Variants in SS18 observed in about 807,000 individuals in gnomAD.
The protein encoded by SS18 is protein SSXT.
A neutral mutation model predicts 72.5 loss-of-function variants in SS18; 28 were observed. The ratio of observed to expected loss-of-function variants is 0.39; its 90% CI spans 0.29 to 0.53. The LOEUF is 0.53. Ranked by LOEUF, SS18 falls within the 20% of genes least tolerant of loss-of-function variation. SS18 has a pLI of 0.76. For synonymous variants in SS18, 172 were observed against 164.2 expected (o/e 1.05, Z -0.37); for missense variants, 518 against 535.3 (o/e 0.97, Z 0.32).
chr18:26,084,341 T>C (rs564271547), intron 2 of SS18, among the ~76,000 whole-genome samples: 1 of 152,284 alleles, frequency 6.6e-6, no homozygotes, highest in African/African-American at 2.4e-5. Flanking sequence ...AAAGGAATGA[T>C]AGATTTAGTC....
chr18:26,037,145 A>G (rs2053640070), intron 7 of SS18, among the ~76,000 whole-genome samples: 1 of 152,116 alleles, frequency 6.6e-6, no homozygotes, highest in South Asian at 2.1e-4. Flanking sequence ...AAAGTAATAT[A>G]CACCTATGCA....
chr18:26,088,458 A>G (rs1237151680), intron 1 of SS18, among the ~76,000 whole-genome samples: 2 of 152,232 alleles, frequency 1.3e-5, no homozygotes, highest in Non-Finnish European at 2.9e-5. Flanking sequence ...CTATGCATGT[A>G]TATTTGTTAC....
At chr18:26,030,709 T>C (rs1046591096) in intron 10 of SS18, among the ~76,000 whole-genome samples, 2 of 151,926 alleles carry the variant, frequency 1.3e-5, no homozygotes, top group Non-Finnish European at 2.9e-5. Flanking sequence ...TTCTGTACAT[T>C]TGGATAAAAA....
chr18:26,021,993 C>T (rs762401382), intron 10 of SS18, among the ~76,000 whole-genome samples: 2 of 151,992 alleles, frequency 1.3e-5, no homozygotes, highest in Non-Finnish European at 2.9e-5. Flanking sequence ...AATGAGAATG[C>T]CTAGGGAGAG....
At chr18:26,053,364 C>T (rs1292541521) in intron 4 of SS18, among the ~76,000 whole-genome samples, 2 of 150,274 alleles carry the variant, frequency 1.3e-5, no homozygotes, top group South Asian at 2.1e-4. Context: ...AAAACTTAAA[C>T]ATTTAAAAAG....
intron 5 of SS18, among the ~76,000 whole-genome samples, chr18:26,049,985 G>A (rs1433708178): frequency 3.9e-5 from 6 of 152,206 alleles, no homozygotes; most frequent in African/African-American, 1.2e-4. Context: ...AGTGGCTTGC[G>A]CCTGTAATCC....
intron 3 of SS18, among the ~76,000 whole-genome samples, chr18:26,061,128 A>C (rs2144041321): frequency 6.6e-6 from 1 of 152,312 alleles, no homozygotes; most frequent in Admixed American, 6.5e-5. Flanking sequence ...CCTGGCTAAC[A>C]CGGTGAAACC....
At chr18:26,048,828 T>C (rs913750152) in intron 5 of SS18, among the ~76,000 whole-genome samples, 2 of 152,222 alleles carry the variant, frequency 1.3e-5, no homozygotes, top group African/African-American at 4.8e-5. Flanking sequence ...ATGCTGTGGC[T>C]AAAATAAGAC....
At chr18:26,081,753 T>TG (rs2054527487) in intron 2 of SS18, among the ~76,000 whole-genome samples, 1 of 151,098 alleles carries the variant, frequency 6.6e-6, no homozygotes, top group African/African-American at 2.5e-5. Context: ...CTTAATGTTT[T>TG]ATTCCTAAAA....
intron 3 of SS18, among the ~76,000 whole-genome samples, chr18:26,071,876 C>T (rs1336335774): frequency 6.6e-6 from 1 of 151,788 alleles, no homozygotes; most frequent in Non-Finnish European, 1.5e-5. Context: ...TTTTCAGACC[C>T]AGACCAAAAC....
intron 3 of SS18, among the ~76,000 whole-genome samples, chr18:26,058,807 CTTA>C (rs1431688331): frequency 2.0e-5 from 3 of 152,136 alleles, no homozygotes; most frequent in Admixed American, 6.5e-5. Flanking sequence ...GATGAATGCT[CTTA>C]TTTTCTCTTA....
intron 5 of SS18, among the ~76,000 whole-genome samples, chr18:26,046,332 C>T (rs1479227536): frequency 4.8e-5 from 7 of 145,428 alleles, no homozygotes; most frequent in Non-Finnish European, 8.9e-5. Context: ...GTATATATGA[C>T]GATTTAGAGT....
chr18:26,057,577 A>T lies in SS18; in HGVS notation c.385+12T>A. Reference sequence around the variant, plus strand: ...AACTCTGGTGTTAATGTCTTAGAGGAGAAAAACTTACCAGGCATCTGGCCG... The same window carrying T: ...AACTCTGGTGTTAATGTCTTAGAGGTGAAAAACTTACCAGGCATCTGGCCG... On this transcript the variant is annotated intron_variant, in intron 4 of 10. Coordinates refer to ENST00000415083, the MANE Select transcript of SS18 (RefSeq NM_001007559.3). 1 of 1,613,910 alleles carries T rather than the reference A, an allele frequency of 6.2e-7. No homozygotes were observed. Among genetic ancestry groups the T allele is most frequent in the Non-Finnish European group, 8.5e-7 (1 of 1,179,950 alleles).
Position 26,057,684 on chromosome 18 carries a change from G to T in SS18, c.290C>A (p.Pro97Gln), listed in dbSNP as rs769998650. The change falls in exon 4 of 11, where the codon CCA becomes CAA. Residue 97 changes from proline (P) to glutamine (Q), a missense_variant. By Grantham distance (76) the Pro-to-Gln change is moderately conservative. Transcript: ENST00000415083. Reference protein sequence around the residue: ...PGGMNQSGPPPPPRSHNMPSD... With the variant: ...PGGMNQSGPPQPPRSHNMPSD... ...AGGCATGTTGTGAGAGCGTGGAGGTGGGGGAGGGCCGCTCTGATTCATCCC... is the reference window on the plus strand; with the variant it reads ...AGGCATGTTGTGAGAGCGTGGAGGTTGGGGAGGGCCGCTCTGATTCATCCC... The T allele has an allele frequency of 9.3e-6, 15 of 1,613,966 alleles. No homozygotes were observed. Among genetic ancestry groups the T allele is most frequent in the South Asian group, 2.2e-5 (2 of 91,082 alleles).
At chr18:26,041,596 G>A (rs751939575) in intron 5 of SS18, among the ~76,000 whole-genome samples, 8 of 152,008 alleles carry the variant, frequency 5.3e-5, no homozygotes, top group East Asian at 3.9e-4. Flanking sequence ...TAACCTGATC[G>A]GACATTTATG....
intron 3 of SS18, among the ~76,000 whole-genome samples, chr18:26,061,561 T>C (rs971978785): frequency 6.6e-6 from 1 of 151,726 alleles, no homozygotes; most frequent in Non-Finnish European, 1.5e-5. Context: ...ATAAGACATA[T>C]CACCTGGAAG....
At chr18:26,041,448 C>CAT (rs2053721845) in intron 5 of SS18, among the ~76,000 whole-genome samples, 3 of 151,092 alleles carry the variant, frequency 2.0e-5, no homozygotes, top group African/African-American at 7.4e-5. Flanking sequence ...AAACAAAACA[C>CAT]GAAACAAATT....
chr18:26,046,169 G>C (rs1424389154), intron 5 of SS18, among the ~76,000 whole-genome samples: 4 of 140,714 alleles, frequency 2.8e-5, no homozygotes, highest in African/African-American at 1.1e-4. Context: ...TCCAGCCTGG[G>C]TGACAGAGGA....
intron 5 of SS18, among the ~76,000 whole-genome samples, chr18:26,044,543 C>CA (rs1220790670): frequency 1.3e-5 from 2 of 151,750 alleles, no homozygotes; most frequent in Non-Finnish European, 1.5e-5. Context: ...AGGTTGGTCT[C>CA]AAACTCCTGA....
Sources: gnomAD v4.1 joint callset for allele counts (sites outside exome capture counted in the v4.1 genomes callset) on GRCh38, gnomAD v4.1.1 for gene constraint, MANE v1.5 for transcripts, NCBI Gene and HGNC (gene_info 2026-07-23, HGNC 2026-07-21) for gene names.